UNC5D: variants seen among roughly 807,000 people sequenced by gnomAD.
UNC5D encodes netrin receptor UNC5D.
In UNC5D, 39 loss-of-function variants were observed where a neutral mutation model predicts 105.4. The observed-to-expected ratio is 0.37, with a 90% CI of 0.29 to 0.48. UNC5D has a LOEUF of 0.48. UNC5D is among the 20% of genes least tolerant of loss of function. The pLI, the probability that UNC5D is intolerant of heterozygous loss-of-function variation, is 0.98. For missense variants in UNC5D, 991 were observed against 1,202.4 expected, an observed-to-expected ratio of 0.82 and a Z score of 2.60; for synonymous variants, 452 against 450.4, an observed-to-expected ratio of 1.00 and a Z score of -0.04.
chr8:35,467,095 G>C (rs1809362354), intron 1 of UNC5D, among the ~76,000 whole-genome samples: 1 of 152,164 alleles, frequency 6.6e-6, no homozygotes, highest in Non-Finnish European at 1.5e-5. Context: ...GAAAACATTT[G>C]TGATACCTTG....
chr8:35,714,698 A>T (rs1241410322), intron 8 of UNC5D, among the ~76,000 whole-genome samples: 2 of 152,256 alleles, frequency 1.3e-5, no homozygotes, highest in Non-Finnish European at 2.9e-5. Flanking sequence ...AATAAGATGA[A>T]GAATGGTATA....
intron 14 of UNC5D, among the ~76,000 whole-genome samples, chr8:35,760,083 G>C (rs1586601209): frequency 7.2e-6 from 1 of 139,674 alleles, no homozygotes. Context: ...TCTCTCTGTT[G>C]CCCAGGCTGG....
chr8:35,252,616 T>C (rs967992201), intron 1 of UNC5D, among the ~76,000 whole-genome samples: 2 of 152,198 alleles, frequency 1.3e-5, no homozygotes, highest in African/African-American at 4.8e-5. Context: ...TGAAGTACAA[T>C]ATTCAGTTGT....
At chr8:35,307,004 G>T (rs1808470838) in intron 1 of UNC5D, among the ~76,000 whole-genome samples, 1 of 152,084 alleles carries the variant, frequency 6.6e-6, no homozygotes, top group South Asian at 2.1e-4. Flanking sequence ...AAATTACAAT[G>T]ATGGTCTATC....
At chr8:35,444,192 A>G (rs1807626518) in intron 1 of UNC5D, among the ~76,000 whole-genome samples, 4 of 152,042 alleles carry the variant, frequency 2.6e-5, no homozygotes, top group Middle Eastern at 3.4e-3. Context: ...CCCATTCTCT[A>G]TTCTGCCCCA....
chr8:35,738,569 C>T (rs1280645037), intron 11 of UNC5D, among the ~76,000 whole-genome samples: 14 of 152,178 alleles, frequency 9.2e-5, no homozygotes, highest in Non-Finnish European at 1.9e-4. Context: ...TAATAGTTGG[C>T]TTTAAAACCA....
chr8:35,495,801 A>G (rs1003776364), intron 1 of UNC5D, among the ~76,000 whole-genome samples: 2 of 152,286 alleles, frequency 1.3e-5, no homozygotes, highest in South Asian at 2.1e-4. Flanking sequence ...TGATCCTCCT[A>G]TGAAAGAAGA....
At chr8:35,568,643 C>T (rs931621634) in intron 3 of UNC5D, among the ~76,000 whole-genome samples, 11 of 152,200 alleles carry the variant, frequency 7.2e-5, no homozygotes, top group African/African-American at 1.9e-4. Context: ...GAACTGAGAT[C>T]GTGCCACTGC....
rs1381303014 is a variant in UNC5D at position 35,413,364 on chromosome 8, G to C, written c.104-135928G>C. 2.0e-5 allele frequency among the ~76,000 whole-genome samples: 3 copies of C among 148,378 alleles called. No homozygotes were observed. The Admixed American group carries it at 2.0e-4, about 10-fold the overall frequency. On this transcript the variant is annotated intron_variant, in intron 1 of 16. Transcript: ENST00000404895. Reference sequence around the variant, plus strand: ...TTGGAGATGGACATCTGGAGATTAGGGTTTTTACAGACTTTGAAAAAAAAA... The same window carrying C: ...TTGGAGATGGACATCTGGAGATTAGCGTTTTTACAGACTTTGAAAAAAAAA...
intron 1 of UNC5D, among the ~76,000 whole-genome samples, chr8:35,325,401 C>T (rs372096895): frequency 6.6e-6 from 1 of 152,126 alleles, no homozygotes; most frequent in African/African-American, 2.4e-5. Context: ...AGATAGATCT[C>T]AGTGCATAGA....
At chr8:35,530,054 T>C (rs1252761089) in intron 1 of UNC5D, among the ~76,000 whole-genome samples, 1 of 150,768 alleles carries the variant, frequency 6.6e-6, no homozygotes, top group Non-Finnish European at 1.5e-5. Flanking sequence ...TCCTGCCTGA[T>C]TGCCCTGGCC....
intron 16 of UNC5D, among the ~76,000 whole-genome samples, chr8:35,780,800 CA>C (rs952880331): frequency 1.3e-5 from 2 of 152,070 alleles, no homozygotes; most frequent in Non-Finnish European, 2.9e-5. Context: ...CTGCCATTTC[CA>C]AAAAATCAGC....
intron 1 of UNC5D, among the ~76,000 whole-genome samples, chr8:35,393,920 G>A (rs1803936842): frequency 6.6e-6 from 1 of 152,138 alleles, no homozygotes; most frequent in African/African-American, 2.4e-5. Flanking sequence ...TATATTCCTA[G>A]TAAAGGACTT....
chr8:35,409,648 T>G (rs1351836326), intron 1 of UNC5D, among the ~76,000 whole-genome samples: 3 of 152,044 alleles, frequency 2.0e-5, no homozygotes, highest in Non-Finnish European at 2.9e-5. Context: ...TATAAATTTT[T>G]TATTGAATAT....
At chr8:35,769,323 C>T (rs1178633528) in intron 15 of UNC5D, among the ~76,000 whole-genome samples, 3 of 152,132 alleles carry the variant, frequency 2.0e-5, no homozygotes, top group Admixed American at 2.0e-4. Context: ...ACTTCTGGAC[C>T]CCAGTCAAGG....
intron 4 of UNC5D, among the ~76,000 whole-genome samples, chr8:35,645,135 C>T (rs192664653): frequency 5.3e-5 from 8 of 152,268 alleles, no homozygotes; most frequent in Non-Finnish European, 8.8e-5. Flanking sequence ...ACATGTCCAT[C>T]TACCCACTCC....
intron 1 of UNC5D, among the ~76,000 whole-genome samples, chr8:35,391,788 T>C (rs1803792823): frequency 6.6e-6 from 1 of 152,194 alleles, no homozygotes; most frequent in South Asian, 2.1e-4. Flanking sequence ...CTGGCAGTTC[T>C]TGGCATAAAA....
chr8:35,470,180 A>AGG (rs1809599278), intron 1 of UNC5D, among the ~76,000 whole-genome samples: 1 of 152,228 alleles, frequency 6.6e-6, no homozygotes, highest in Non-Finnish European at 1.5e-5. Context: ...TTAAATAATT[A>AGG]CAGTTCATTT....
chr8:35,638,226 G>A (rs578050721), intron 4 of UNC5D, among the ~76,000 whole-genome samples: 2 of 152,094 alleles, frequency 1.3e-5, no homozygotes, highest in South Asian at 2.1e-4. Context: ...AAATCATTAC[G>A]CATAGTAACT....
Sources: gnomAD v4.1 joint callset for allele counts (sites outside exome capture counted in the v4.1 genomes callset) on GRCh38, gnomAD v4.1.1 for gene constraint, MANE v1.5 for transcripts, NCBI Gene and HGNC (gene_info 2026-07-23, HGNC 2026-07-21) for gene names.